The following CYB5B variants were observed in gnomAD, a reference collection of about 807,000 sequenced individuals.
CYB5B encodes cytochrome b5 type B.
CYB5B carries 14 observed loss-of-function variants against 21.3 expected under a neutral mutation model. The ratio of observed to expected loss-of-function variants is 0.66; its 90% CI spans 0.43 to 1.03. The LOEUF (loss-of-function observed/expected upper bound fraction) is 1.03, where lower values mean the gene tolerates loss of function less well. Ranked by LOEUF, CYB5B falls within the 50% of genes least tolerant of loss-of-function variation. The probability of loss-of-function intolerance (pLI) is 0.00; values close to 1 mark genes in which losing one functional copy is unlikely to be tolerated. For synonymous variants in CYB5B, 69 were observed against 68.4 expected, an observed-to-expected ratio of 1.01 and a Z score of -0.04; for missense variants, 166 against 185.1, an observed-to-expected ratio of 0.90 and a Z score of 0.60.
chr16:69,461,847 G>C (rs1339905756), intron 4 of CYB5B, among the ~76,000 whole-genome samples: 1 of 152,134 alleles, frequency 6.6e-6, no homozygotes, highest in Non-Finnish European at 1.5e-5. Context: ...TTTGGGATTT[G>C]GGGTGCAAAG....
chr16:69,425,476 A>G (rs970038478), intron 1 of CYB5B, among the ~76,000 whole-genome samples: 4 of 151,076 alleles, frequency 2.6e-5, no homozygotes, highest in Non-Finnish European at 4.4e-5. Flanking sequence ...GTTTTATTTA[A>G]TCTTCAAGTC....
intron 1 of CYB5B, among the ~76,000 whole-genome samples, chr16:69,441,029 A>G (rs773799939): frequency 6.6e-6 from 1 of 152,124 alleles, no homozygotes; most frequent in Non-Finnish European, 1.5e-5. Flanking sequence ...AAGAAATGAT[A>G]GAGATCCTTT....
chr16:69,466,136 AT>A lies in CYB5B; in HGVS notation c.*3618del, dbSNP rs1169542278. On this transcript the variant is annotated 3_prime_UTR_variant, in exon 5 of 5. Coordinates refer to ENST00000307892, the MANE Select transcript of CYB5B (RefSeq NM_030579.3). ...AGTAACGGTAACATTCCTTTTGTGT[AT>A]TCAATAATGCAGTTAGTTTACCTTT... 1 of 152,442 alleles carries A rather than the reference AT, an allele frequency of 6.6e-6. No individual in the cohort carries two copies. The highest frequency in any genetic ancestry group is 1.5e-5 in the Non-Finnish European group (1 of 68,008). The allele number at this position is 152,442 out of a possible 1,614,324, so 9.4% of individuals were successfully genotyped here.
At chr16:69,461,909 T>A (rs1018918269) in intron 4 of CYB5B, among the ~76,000 whole-genome samples, 2 of 152,198 alleles carry the variant, frequency 1.3e-5, no homozygotes, top group Non-Finnish European at 2.9e-5. Context: ...TCGTAGGTTA[T>A]CCTATTTCAT....
intron 1 of CYB5B, among the ~76,000 whole-genome samples, chr16:69,445,841 A>G (rs1009685318): frequency 1.3e-5 from 2 of 152,182 alleles, no homozygotes; most frequent in African/African-American, 2.4e-5. Flanking sequence ...CTGTAATCCC[A>G]GCTACTTGGG....
At chr16:69,458,466 C>T (rs1056515243) in intron 3 of CYB5B, among the ~76,000 whole-genome samples, 6 of 152,136 alleles carry the variant, frequency 3.9e-5, no homozygotes, top group Admixed American at 3.9e-4. Context: ...TAGCATATAT[C>T]AATACTTCAG....
chr16:69,430,578 G>A (rs957210339), intron 1 of CYB5B, among the ~76,000 whole-genome samples: 1 of 151,968 alleles, frequency 6.6e-6, no homozygotes, highest in Non-Finnish European at 1.5e-5. Flanking sequence ...TTTCCTTACT[G>A]GGTATTACAA....
At chr16:69,431,546 CA>C (rs2014706500) in intron 1 of CYB5B, among the ~76,000 whole-genome samples, 1 of 151,902 alleles carries the variant, frequency 6.6e-6, no homozygotes, top group Non-Finnish European at 1.5e-5. Flanking sequence ...CCAAGGTGGA[CA>C]GATCACTTGA....
chr16:69,429,938 A>G (rs1402928550), intron 1 of CYB5B, among the ~76,000 whole-genome samples: 1 of 152,170 alleles, frequency 6.6e-6, no homozygotes, highest in Non-Finnish European at 1.5e-5. Context: ...TGGTTAGAGT[A>G]TGATACTGGA....
Position 69,424,681 on chromosome 16 carries a change from A to C in CYB5B, c.-3A>C. Reference sequence around the variant, plus strand: ...GAATCTCAGTTAGCGGTGGAGAGGCAGTATGTCCGGTTCAATGGCGACTGC... The same window carrying C: ...GAATCTCAGTTAGCGGTGGAGAGGCCGTATGTCCGGTTCAATGGCGACTGC... On this transcript the variant is annotated 5_prime_UTR_variant, in exon 1 of 5. Coordinates refer to ENST00000307892, the MANE Select transcript of CYB5B (RefSeq NM_030579.3). 1.3e-6 allele frequency: 2 copies of C among 1,559,886 alleles called. No individual in the cohort carries two copies.
chr16:69,436,023 G>A (rs1467216335), intron 1 of CYB5B, among the ~76,000 whole-genome samples: 1 of 152,188 alleles, frequency 6.6e-6, no homozygotes, highest in Non-Finnish European at 1.5e-5. Context: ...AATAAGATGA[G>A]GCAGAATTTA....
intron 3 of CYB5B, chr16:69,448,363 CTT>C (rs5817668): frequency 4.6e-4 from 211 of 459,740 alleles, no homozygotes; most frequent in South Asian, 6.2e-4. Context: ...CCTTTATACG[CTT>C]TTTTTTTTTA....
At chr16:69,461,420 A>G (rs2015034915) in intron 4 of CYB5B, among the ~76,000 whole-genome samples, 1 of 152,136 alleles carries the variant, frequency 6.6e-6, no homozygotes, top group Admixed American at 6.5e-5. Flanking sequence ...GATATTCTAA[A>G]CTAGTCCAGA....
intron 1 of CYB5B, among the ~76,000 whole-genome samples, chr16:69,443,716 A>C (rs1022535382): frequency 2.9e-4 from 44 of 152,264 alleles, no homozygotes; most frequent in African/African-American, 1.0e-3. Flanking sequence ...TTAGCTGGGC[A>C]TGGTGGCAGG....
Position 69,465,737 on chromosome 16 carries a change from C to T in CYB5B, c.*3217C>T, listed in dbSNP as rs991682109. On this transcript the variant is annotated 3_prime_UTR_variant, in exon 5 of 5. Coordinates refer to ENST00000307892, the MANE Select transcript of CYB5B (RefSeq NM_030579.3). The stretch of plus-strand genomic sequence containing the variant: ...CATTTTAGGAGATTGAGATGCAGAA[C>T]GTTAATGTTCATTACCTCCTCCTAC... 7 of 152,170 alleles carry T rather than the reference C, an allele frequency of 4.6e-5. No homozygotes were observed. Among genetic ancestry groups the T allele is most frequent in the African/African-American group, 1.2e-4 (5 of 41,432 alleles). The allele number at this position is 152,170 out of a possible 1,614,324, so 9.4% of individuals were successfully genotyped here.
At position 69,439,073 on chromosome 16, in the gene CYB5B, T is replaced by G. The variant is rs143978097; in HGVS notation, c.175-8077T>G. Among the ~76,000 whole-genome samples the G allele has an allele frequency of 4.9e-3, 739 of 152,322 alleles. 4 individuals are homozygous for G. The highest frequency in any genetic ancestry group is 0.015 in the African/African-American group (636 of 41,560). On this transcript the variant is annotated intron_variant, in intron 1 of 4. Coordinates refer to ENST00000307892, the MANE Select transcript of CYB5B (RefSeq NM_030579.3). ...TACCCTTATGTTTTCTCTAAGAGTT[T>G]TATGATTTTAGCTTTTATATTTAGG...
At position 69,462,618 on chromosome 16, in the gene CYB5B, G is replaced by A. The variant is rs2015046583; in HGVS notation, c.*98G>A. 1.0e-6 allele frequency: 1 copy of A among 967,796 alleles called. No individual in the cohort carries two copies. The highest frequency in any genetic ancestry group is 1.6e-6 in the Non-Finnish European group (1 of 615,916). The allele number at this position is 967,796 out of a possible 1,614,324, so 60.0% of individuals were successfully genotyped here. A position where few individuals can be genotyped will look rare whatever the true frequency, so the allele number is the denominator to read the frequency against. On this transcript the variant is annotated 3_prime_UTR_variant, in exon 5 of 5. Coordinates refer to ENST00000307892, the MANE Select transcript of CYB5B (RefSeq NM_030579.3). ...AGTGCCCTCTCCTCGAATCCTGCCA[G>A]TTGCATTCTTCCCCCTTGGAGCCAA...
intron 1 of CYB5B, among the ~76,000 whole-genome samples, chr16:69,440,122 G>T (rs2014804944): frequency 6.6e-6 from 1 of 152,030 alleles, no homozygotes; most frequent in African/African-American, 2.4e-5. Context: ...TGATCCTCCT[G>T]CCTCAGCTTC....
chr16:69,432,244 T>C (rs2014713501), intron 1 of CYB5B, among the ~76,000 whole-genome samples: 1 of 152,250 alleles, frequency 6.6e-6, no homozygotes, highest in Non-Finnish European at 1.5e-5. Flanking sequence ...AGACAGTCCC[T>C]GACTTACTAG....
Sources: allele counts gnomAD v4.1 joint callset (sites outside exome capture counted in the v4.1 genomes callset), GRCh38; gene constraint gnomAD v4.1.1; transcripts MANE v1.5; gene names NCBI Gene and HGNC (gene_info 2026-07-23, HGNC 2026-07-21).